The following DGKB variants were observed in gnomAD, a reference collection of about 807,000 sequenced individuals.
The protein encoded by DGKB is diacylglycerol kinase beta.
Under a neutral mutation model 114.3 loss-of-function variants are expected in DGKB, and 67 were observed. That is an observed-to-expected ratio of 0.59 (90% CI 0.48 to 0.72). DGKB has a LOEUF of 0.72. Among genes scored for constraint, DGKB ranks in the 30% least tolerant of loss-of-function variants. The pLI is 0.00. For missense variants in DGKB, 907 were observed against 975.2 expected, an observed-to-expected ratio of 0.93 and a Z score of 0.93; for synonymous variants, 398 against 323.1, an observed-to-expected ratio of 1.23 and a Z score of -2.49.
intron 13 of DGKB, among the ~76,000 whole-genome samples, chr7:14,633,851 C>G (rs1810222520): frequency 6.6e-6 from 1 of 151,472 alleles, no homozygotes. Context: ...ATGCATTTGC[C>G]TTCAGGGCAC....
intron 23 of DGKB, chr7:14,269,278 T>G (rs1797948193): frequency 6.6e-6 from 1 of 152,202 alleles, no homozygotes; most frequent in African/African-American, 2.4e-5. Context: ...CACTTGTGCT[T>G]TATTCTGTTC....
intron 5 of DGKB, among the ~76,000 whole-genome samples, chr7:14,729,669 G>T (rs1380880944): frequency 6.6e-6 from 1 of 152,032 alleles, no homozygotes; most frequent in Non-Finnish European, 1.5e-5. Context: ...CTCCTGCAAC[G>T]GTTCACCTCC....
chr7:14,689,205 T>TTTTTTTTTTTTTTTTTTTTG lies in DGKB; in HGVS notation c.712-3863_712-3844dup, dbSNP rs1822316668. 1.7e-5 allele frequency among the ~76,000 whole-genome samples: 2 copies of TTTTTTTTTTTTTTTTTTTTG among 121,138 alleles called. 1 individual carries two copies. Among genetic ancestry groups the TTTTTTTTTTTTTTTTTTTTG allele is most frequent in the East Asian group, 5.3e-4 (2 of 3,782 alleles). The allele number at this position is 121,138 out of a possible 152,430, so 79.5% of individuals were successfully genotyped here. ...TGTGACAGAAACTCCTCTTATTTTT[T>TTTTTTTTTTTTTTTTTTTTG]TTTTTTTTTTTTTTTTTTTGAGAGG... On this transcript the variant is annotated intron_variant, in intron 9 of 25. Transcript: ENST00000402815.
intron 23 of DGKB, among the ~76,000 whole-genome samples, chr7:14,322,506 A>T (rs1365503403): frequency 6.6e-6 from 1 of 152,178 alleles, no homozygotes; most frequent in East Asian, 1.9e-4. Flanking sequence ...TTAATGTTAA[A>T]GTTAAGCCAA....
chr7:14,336,249 A>T (rs1325875676), intron 23 of DGKB, among the ~76,000 whole-genome samples: 1 of 152,208 alleles, frequency 6.6e-6, no homozygotes, highest in Non-Finnish European at 1.5e-5. Context: ...AAAGTATCTC[A>T]AAGTGAAAAC....
intron 1 of DGKB, among the ~76,000 whole-genome samples, chr7:14,843,174 G>T (rs1848168243): frequency 6.6e-6 from 1 of 150,424 alleles, no homozygotes. Context: ...CTGTGATTAT[G>T]CTGCTGTACT....
chr7:14,668,686 C>A (rs193187109), intron 13 of DGKB, among the ~76,000 whole-genome samples: 1 of 152,228 alleles, frequency 6.6e-6, no homozygotes, highest in African/African-American at 2.4e-5. Flanking sequence ...TTCCAACAAC[C>A]TTTGACTTCA....
At chr7:14,960,042 T>C (rs1391990936) in intron 1 of DGKB, among the ~76,000 whole-genome samples, 1 of 152,022 alleles carries the variant, frequency 6.6e-6, no homozygotes, top group East Asian at 1.9e-4. Context: ...TCATCGTCAG[T>C]CATTTAAGAA....
intron 1 of DGKB, among the ~76,000 whole-genome samples, chr7:14,957,338 G>A (rs1003958266): frequency 6.6e-6 from 1 of 151,988 alleles, no homozygotes; most frequent in African/African-American, 2.4e-5. Context: ...GTTATTTATT[G>A]TGTGGTACCA....
rs1562868987 is a variant in DGKB at position 14,910,262 on chromosome 7, GAAAGAAAGAAAGAAAGAAAGAAAGAA to G, written c.-188+64408_-188+64433del. Among the ~76,000 whole-genome samples, 434 of 116,828 alleles carry G rather than the reference GAAAGAAAGAAAGAAAGAAAGAAAGAA, an allele frequency of 3.7e-3. 6 individuals carry two copies. The highest frequency in any genetic ancestry group is 0.014 in the African/African-American group (393 of 27,358). 76.6% of individuals were successfully genotyped at this position (116,828 alleles called of 152,430 possible). On this transcript the variant is annotated intron_variant, in intron 1 of 4. Coordinates refer to the DGKB transcript ENST00000437998. ...TCAAAAAAAGAAAGAAAGAAAGAAA[GAAAGAAAGAAAGAAAGAAAGAAAGAA>G]AGAAAGAAAGAAAGAAAGAAAGAAA...
intron 20 of DGKB, among the ~76,000 whole-genome samples, chr7:14,543,257 A>C (rs1401816843): frequency 6.6e-6 from 1 of 152,076 alleles, no homozygotes; most frequent in Non-Finnish European, 1.5e-5. Flanking sequence ...CAGCCTGGGC[A>C]ACATGGCAAG....
intron 17 of DGKB, among the ~76,000 whole-genome samples, chr7:14,601,237 G>C (rs1803491568): frequency 6.6e-6 from 1 of 152,148 alleles, no homozygotes; most frequent in Non-Finnish European, 1.5e-5. Flanking sequence ...AGAATGCATT[G>C]AGCAGAAACT....
chr7:14,680,142 T>C (rs541337049), intron 12 of DGKB, among the ~76,000 whole-genome samples: 191 of 152,062 alleles, frequency 1.3e-3, no homozygotes, highest in African/African-American at 4.2e-3. Context: ...CCTTTTTTTT[T>C]CTTTCTGACT....
chr7:14,656,189 C>CA (rs1815746989), intron 13 of DGKB, among the ~76,000 whole-genome samples: 1 of 151,284 alleles, frequency 6.6e-6, no homozygotes, highest in South Asian at 2.1e-4. Context: ...GTGAAGGAAA[C>CA]AAAAAATGCA....
intron 1 of DGKB, among the ~76,000 whole-genome samples, chr7:14,928,598 C>T (rs143870327): frequency 2.0e-4 from 30 of 152,062 alleles, no homozygotes; most frequent in African/African-American, 7.2e-4. Context: ...AGAATGTCAT[C>T]AGTGACCTCC....
chr7:14,178,235 A>C, intron 23 of DGKB, 84 bp from the exon 24 acceptor site: 1 of 1,389,110 alleles, frequency 7.2e-7, no homozygotes, highest in Non-Finnish European at 9.8e-7. Flanking sequence ...TGGAGATTAA[A>C]AAAAATAACA....
rs1444357144 is a variant in DGKB, at chr7:14,147,901, A to C, written c.*1230T>G. The C allele has an allele frequency of 2.6e-5, 4 of 152,152 alleles. No homozygotes were observed. Among genetic ancestry groups the C allele is most frequent in the Non-Finnish European group, 5.9e-5 (4 of 68,008 alleles). The allele number at this position is 152,152 out of a possible 1,614,324, so 9.4% of individuals were successfully genotyped here. A position where few individuals can be genotyped will look rare whatever the true frequency, so the allele number is the denominator to read the frequency against. ...AACAGTGATCTAGGCTGTTGTTTCCAAATAAACATTTGAAATGTCATAAAG... is the reference window on the plus strand; with the variant it reads ...AACAGTGATCTAGGCTGTTGTTTCCCAATAAACATTTGAAATGTCATAAAG... On this transcript the variant is annotated 3_prime_UTR_variant, in exon 26 of 26. Coordinates refer to ENST00000402815, the MANE Select transcript of DGKB (RefSeq NM_001350709.2).
intron 23 of DGKB, chr7:14,209,402 A>G: frequency 2.1e-6 from 1 of 468,950 alleles, no homozygotes; most frequent in East Asian, 7.0e-5. Context: ...AACAAGATCA[A>G]AACATTTGGA....
At chr7:14,816,660 C>T (rs1443958604) in intron 2 of DGKB, 1 of 152,118 alleles carries the variant, frequency 6.6e-6, no homozygotes, top group African/African-American at 2.4e-5. Flanking sequence ...AATACTATCT[C>T]GTACATTTGA....
Sources: allele counts gnomAD v4.1 joint callset (sites outside exome capture counted in the v4.1 genomes callset), GRCh38; gene constraint gnomAD v4.1.1; transcripts MANE v1.5; gene names NCBI Gene and HGNC (gene_info 2026-07-23, HGNC 2026-07-21).